PDE1C: variants seen among roughly 807,000 people sequenced by gnomAD.
PDE1C encodes phosphodiesterase 1C, also known as dual specificity calcium/calmodulin-dependent 3',5'-cyclic nucleotide phosphodiesterase 1C.
PDE1C carries 62 observed loss-of-function variants against 93.1 expected under a neutral mutation model. The observed-to-expected ratio is 0.67, with a 90% CI of 0.54 to 0.82. The LOEUF (loss-of-function observed/expected upper bound fraction) is 0.82. Ranked by LOEUF, PDE1C falls within the 40% of genes least tolerant of loss-of-function variation. The pLI, the probability that PDE1C is intolerant of heterozygous loss-of-function variation, is 0.00. For missense variants in PDE1C, 742 were observed against 884.6 expected (o/e 0.84, Z 2.04); for synonymous variants, 325 against 310.1 (o/e 1.05, Z -0.50).
chr7:32,270,116 G>C (rs937936570), intron 1 of PDE1C, among the ~76,000 whole-genome samples: 5 of 151,958 alleles, frequency 3.3e-5, no homozygotes, highest in Non-Finnish European at 4.4e-5. Context: ...TTTTAAAACA[G>C]AGTATAAAAT....
At chr7:32,042,239 G>A (rs573251066) in intron 2 of PDE1C, among the ~76,000 whole-genome samples, 1 of 152,194 alleles carries the variant, frequency 6.6e-6, no homozygotes, top group Admixed American at 6.5e-5. Flanking sequence ...GGCAGAGGTT[G>A]CAGTGAGCTG....
At chr7:32,259,712 G>A (rs756763563) in intron 1 of PDE1C, among the ~76,000 whole-genome samples, 6 of 152,088 alleles carry the variant, frequency 3.9e-5, no homozygotes, top group Non-Finnish European at 8.8e-5. Flanking sequence ...TTGAGCTAAC[G>A]TCATCATTTT....
chr7:32,087,249 A>C (rs139865332), intron 3 of PDE1C, among the ~76,000 whole-genome samples: 80,757 of 145,938 alleles, frequency 0.55, 22,661 homozygotes, highest in South Asian at 0.65. Context: ...CACATGAAAA[A>C]ATGTTCATCA....
chr7:31,888,611 T>G (rs1798257906), intron 2 of PDE1C, among the ~76,000 whole-genome samples: 1 of 151,940 alleles, frequency 6.6e-6, no homozygotes, highest in Non-Finnish European at 1.5e-5. Context: ...ATTTAAAAAT[T>G]TAGATGAAAT....
chr7:31,755,383 C>A (rs886866366), intron 17 of PDE1C, among the ~76,000 whole-genome samples: 1 of 152,110 alleles, frequency 6.6e-6, no homozygotes, highest in Non-Finnish European at 1.5e-5. Flanking sequence ...CTAGGACCAA[C>A]GAAGTCACTA....
intron 3 of PDE1C, among the ~76,000 whole-genome samples, chr7:32,083,099 C>T (rs1442753907): frequency 1.3e-5 from 2 of 151,858 alleles, no homozygotes; most frequent in African/African-American, 4.8e-5. Context: ...AAGTTAAAAA[C>T]TTTGAAAAAA....
At chr7:31,691,287 G>A in the PDE1C span, among the ~76,000 whole-genome samples, 1 of 152,144 alleles carries the variant, frequency 6.6e-6, no homozygotes, top group South Asian at 2.1e-4. Context: ...AGACAACAGA[G>A]TTGAACTCAT....
intron 2 of PDE1C, 23 bp downstream of exon 2, chr7:32,051,531 G>T: frequency 6.2e-7 from 1 of 1,612,108 alleles, no homozygotes; most frequent in Non-Finnish European, 8.5e-7. Context: ...TCAACCAGTT[G>T]CAGCTCAGAA....
chr7:32,139,544 ACTCAGATG>A (rs1800404311), intron 3 of PDE1C, among the ~76,000 whole-genome samples: 1 of 152,044 alleles, frequency 6.6e-6, no homozygotes, highest in Non-Finnish European at 1.5e-5. Context: ...GGTTTGACGT[ACTCAGATG>A]CTCCTCCCTC....
intron 2 of PDE1C, among the ~76,000 whole-genome samples, chr7:31,930,637 G>A (rs62456034): frequency 0.038 from 5,761 of 151,824 alleles, 195 homozygotes; most frequent in Admixed American, 0.11. Context: ...TCAGGAGATC[G>A]AGACCATCCT....
intron 2 of PDE1C, among the ~76,000 whole-genome samples, chr7:32,172,560 C>T (rs75862409): frequency 0.12 from 17,939 of 152,016 alleles, 1,248 homozygotes; most frequent in East Asian, 0.25. Flanking sequence ...TGGTGGCTCA[C>T]GCCTGTAATC....
intron 3 of PDE1C, among the ~76,000 whole-genome samples, chr7:32,110,852 TA>T (rs1289801807): frequency 6.6e-6 from 1 of 152,122 alleles, no homozygotes; most frequent in Non-Finnish European, 1.5e-5. Context: ...TATCTACCAG[TA>T]AAATAGCTAC....
In PDE1C at chr7:32,222,283, G is replaced by A. The variant is rs1806924742; in HGVS notation, c.86-12744C>T. Among the ~76,000 whole-genome samples, 6 of 152,136 alleles carry A rather than the reference G, an allele frequency of 3.9e-5. No individual in the cohort carries two copies. In the South Asian group the frequency reaches 8.3e-4, roughly 21 times the overall value. On this transcript the variant is annotated intron_variant, in intron 1 of 18. Transcript: ENST00000396193. The stretch of plus-strand genomic sequence containing the variant: ...ACAGATCAAAATGCATCAAATAAAC[G>A]AAATGAGGCACAGGACATTCCCTTG...
chr7:31,675,183 G>C, the PDE1C span, among the ~76,000 whole-genome samples: 1 of 152,108 alleles, frequency 6.6e-6, no homozygotes, highest in Non-Finnish European at 1.5e-5. Flanking sequence ...TTGATTTTTT[G>C]GCCATGGCCA....
chr7:31,888,755 T>G (rs1798269989), intron 2 of PDE1C, among the ~76,000 whole-genome samples: 1 of 151,902 alleles, frequency 6.6e-6, no homozygotes, highest in Non-Finnish European at 1.5e-5. Context: ...ATGGGAAGTC[T>G]TCACCAGTTC....
At chr7:32,348,858 C>T (rs1437686339) in intron 1 of PDE1C, among the ~76,000 whole-genome samples, 1 of 151,990 alleles carries the variant, frequency 6.6e-6, no homozygotes. Context: ...TACAGGTGAG[C>T]TCACCCACAT....
chr7:31,982,016 AC>A (rs918947220), intron 2 of PDE1C, among the ~76,000 whole-genome samples: 1 of 151,954 alleles, frequency 6.6e-6, no homozygotes, highest in African/African-American at 2.4e-5. Context: ...ACCTTAGATA[AC>A]CCCCCTTCTA....
intron 9 of PDE1C, among the ~76,000 whole-genome samples, chr7:31,841,153 T>TA (rs575691246): frequency 5.6e-4 from 85 of 151,890 alleles, no homozygotes; most frequent in African/African-American, 2.0e-3. Flanking sequence ...TGTGCTATTG[T>TA]AAAAAATTAT....
chr7:32,184,407 C>A (rs1803692246), intron 2 of PDE1C, among the ~76,000 whole-genome samples: 1 of 152,130 alleles, frequency 6.6e-6, no homozygotes, highest in Non-Finnish European at 1.5e-5. Context: ...ACCCAAATGT[C>A]CAACAATGAT....
Sources: gnomAD v4.1 joint callset for allele counts (sites outside exome capture counted in the v4.1 genomes callset) on GRCh38, gnomAD v4.1.1 for gene constraint, MANE v1.5 for transcripts, NCBI Gene and HGNC (gene_info 2026-07-23, HGNC 2026-07-21) for gene names.